CSMD1: variants seen among roughly 807,000 people sequenced by gnomAD.
The protein encoded by CSMD1 is CUB and Sushi multiple domains 1.
Under a neutral mutation model 417.5 loss-of-function variants are expected in CSMD1, and 213 were observed. The observed-to-expected ratio is 0.51, with a 90% CI of 0.46 to 0.57. The LOEUF (loss-of-function observed/expected upper bound fraction) is 0.57. CSMD1 is among the 20% of genes least tolerant of loss of function. CSMD1 has a pLI of 0.00. For synonymous variants in CSMD1, 2,862 were observed against 1,736.8 expected (o/e 1.65, Z -16.11); for missense variants, 6,923 against 4,529.7 (o/e 1.53, Z -15.17).
At chr8:4,907,416 G>T (rs1213625475) in intron 1 of CSMD1, among the ~76,000 whole-genome samples, 1 of 152,092 alleles carries the variant, frequency 6.6e-6, no homozygotes, top group Non-Finnish European at 1.5e-5. Context: ...CTGCAAATAG[G>T]ACATTGGGCA....
At chr8:4,609,407 A>G (rs763827293) in intron 2 of CSMD1, among the ~76,000 whole-genome samples, 9 of 152,146 alleles carry the variant, frequency 5.9e-5, no homozygotes, top group Non-Finnish European at 8.8e-5. Context: ...TCTCAGAAAA[A>G]CAAAAGAGAT....
chr8:4,638,410 T>G (rs1413462186), intron 1 of CSMD1, among the ~76,000 whole-genome samples: 1 of 152,116 alleles, frequency 6.6e-6, no homozygotes, highest in Non-Finnish European at 1.5e-5. Flanking sequence ...GAATAACATA[T>G]GCATAAAGGA....
intron 1 of CSMD1, among the ~76,000 whole-genome samples, chr8:4,707,935 G>T (rs1256989214): frequency 2.3e-5 from 3 of 131,404 alleles, no homozygotes; most frequent in African/African-American, 8.4e-5. Context: ...AAAAAGAGGG[G>T]AAAGAAGTTT....
chr8:3,972,292 G>A (rs1357312544), intron 5 of CSMD1, among the ~76,000 whole-genome samples: 1 of 152,006 alleles, frequency 6.6e-6, no homozygotes, highest in African/African-American at 2.4e-5. Flanking sequence ...GATACATAAG[G>A]TACCAACACA....
At chr8:4,406,786 A>G (rs1341509826) in intron 3 of CSMD1, among the ~76,000 whole-genome samples, 1 of 152,236 alleles carries the variant, frequency 6.6e-6, no homozygotes, top group Admixed American at 6.5e-5. Context: ...CTCCTGAGTC[A>G]TCTGGTGTTT....
At chr8:3,909,523 C>A (rs1007728182) in intron 5 of CSMD1, among the ~76,000 whole-genome samples, 2 of 152,082 alleles carry the variant, frequency 1.3e-5, no homozygotes, top group Non-Finnish European at 2.9e-5. Flanking sequence ...GTTCCCACAG[C>A]GTGGTCGCTC....
intron 11 of CSMD1, among the ~76,000 whole-genome samples, chr8:3,486,057 A>G (rs890973072): frequency 6.6e-6 from 1 of 152,122 alleles, no homozygotes; most frequent in African/African-American, 2.4e-5. Context: ...GATAGAAATG[A>G]TATCTTTGTC....
chr8:4,397,813 A>G (rs1444505293), intron 3 of CSMD1, among the ~76,000 whole-genome samples: 1 of 152,124 alleles, frequency 6.6e-6, no homozygotes, highest in Non-Finnish European at 1.5e-5. Flanking sequence ...CTAATTATAC[A>G]ATATTTATAA....
chr8:4,416,391 A>C (rs983644095), intron 3 of CSMD1, among the ~76,000 whole-genome samples: 8 of 152,128 alleles, frequency 5.3e-5, no homozygotes, highest in African/African-American at 1.9e-4. Flanking sequence ...TATAACCAAT[A>C]TTTAAATTAT....
chr8:4,140,420 C>T (rs1047207372), intron 3 of CSMD1, among the ~76,000 whole-genome samples: 1 of 150,866 alleles, frequency 6.6e-6, no homozygotes. Context: ...ATTGCTTGAA[C>T]CTGGGAAGTG....
chr8:2,974,578 A>G lies in CSMD1; in HGVS notation c.8613T>C (p.Thr2871=), dbSNP rs1228823821. Residue 2871 remains threonine (T), a synonymous_variant, in exon 56 of 70, where the codon ACT becomes ACC. Transcript: ENST00000635120. ...HPGVPANAVL[T]GELFTYGAVV... ...CGGCGCCATAGGTAAACAGCTCTCC[A>G]GTGAGGACGGCGTTGGCAGGGACCC... 1.2e-6 allele frequency: 2 copies of G among 1,612,426 alleles called. No homozygotes were observed. The highest frequency in any genetic ancestry group is 8.5e-7 in the Non-Finnish European group (1 of 1,179,254).
intron 5 of CSMD1, among the ~76,000 whole-genome samples, chr8:3,785,787 T>A (rs769584190): frequency 1.3e-4 from 19 of 151,942 alleles, no homozygotes; most frequent in Non-Finnish European, 2.2e-4. Context: ...GAAGAGTAGG[T>A]AGGTCCAGGC....
intron 2 of CSMD1, among the ~76,000 whole-genome samples, chr8:4,577,218 A>G (rs749747427): frequency 5.9e-5 from 9 of 152,210 alleles, no homozygotes; most frequent in Non-Finnish European, 1.2e-4. Flanking sequence ...AAAATCAAAT[A>G]TAGAATGTAA....
intron 3 of CSMD1, among the ~76,000 whole-genome samples, chr8:4,295,839 T>G (rs1208401194): frequency 6.8e-6 from 1 of 146,720 alleles, no homozygotes; most frequent in Non-Finnish European, 1.5e-5. Flanking sequence ...CTTATGCAAA[T>G]TTCAGATTTC....
chr8:4,635,922 A>G (rs1392701682), intron 2 of CSMD1, among the ~76,000 whole-genome samples: 1 of 152,132 alleles, frequency 6.6e-6, no homozygotes, highest in East Asian at 1.9e-4. Context: ...TACTAAAAAC[A>G]GATAATAGAT....
chr8:3,773,478 G>C (rs1334217420), intron 5 of CSMD1, among the ~76,000 whole-genome samples: 1 of 151,916 alleles, frequency 6.6e-6, no homozygotes, highest in African/African-American at 2.4e-5. Flanking sequence ...GTAGAGATTG[G>C]GTCTCACCGT....
chr8:3,524,318 C>G (rs185032264), intron 10 of CSMD1, among the ~76,000 whole-genome samples: 1 of 151,290 alleles, frequency 6.6e-6, no homozygotes, highest in Non-Finnish European at 1.5e-5. Context: ...GACATATGCA[C>G]ACATAAACAT....
chr8:4,444,001 A>C (rs1340371048), intron 2 of CSMD1, among the ~76,000 whole-genome samples: 1 of 152,154 alleles, frequency 6.6e-6, no homozygotes, highest in Non-Finnish European at 1.5e-5. Context: ...CGGAGTAAGA[A>C]TGGTGACATG....
intron 3 of CSMD1, among the ~76,000 whole-genome samples, chr8:4,064,673 C>T (rs1042465773): frequency 3.3e-5 from 5 of 152,226 alleles, no homozygotes; most frequent in South Asian, 2.1e-4. Context: ...GTATTCTCCC[C>T]TCCAACACTG....
Sources: allele counts gnomAD v4.1 joint callset (sites outside exome capture counted in the v4.1 genomes callset), GRCh38; gene constraint gnomAD v4.1.1; transcripts MANE v1.5; gene names NCBI Gene and HGNC (gene_info 2026-07-23, HGNC 2026-07-21).